Variants in TNFAIP8 observed in about 807,000 individuals in gnomAD.
TNFAIP8 encodes the protein TNF alpha induced protein 8, also known as tumor necrosis factor alpha-induced protein 8.
Under a neutral mutation model 13.3 loss-of-function variants are expected in TNFAIP8, and 7 were observed. That is an observed-to-expected ratio of 0.52 (90% CI 0.30 to 0.99). The LOEUF is 0.99. TNFAIP8 is among the 50% of genes least tolerant of loss of function. TNFAIP8 has a pLI of 0.07. For synonymous variants in TNFAIP8, 94 were observed against 87.6 expected, an observed-to-expected ratio of 1.07 and a Z score of -0.41; for missense variants, 258 against 236.9, an observed-to-expected ratio of 1.09 and a Z score of -0.58.
At chr5:119,285,689 C>T (rs1025135614) in intron 1 of TNFAIP8, among the ~76,000 whole-genome samples, 1 of 152,180 alleles carries the variant, frequency 6.6e-6, no homozygotes, top group Non-Finnish European at 1.5e-5. Context: ...GAAGCTGATA[C>T]AAGTGACCAC....
chr5:119,374,372 C>T (rs980613215), intron 1 of TNFAIP8, among the ~76,000 whole-genome samples: 6 of 152,166 alleles, frequency 3.9e-5, no homozygotes, highest in Admixed American at 2.6e-4. Context: ...ATTTGAGATG[C>T]TCAACCTGTA....
chr5:119,351,788 C>CT (rs1177061965), upstream of TNFAIP8, among the ~76,000 whole-genome samples: 3,302 of 138,092 alleles, frequency 0.024, 201 homozygotes, highest in African/African-American at 0.074. Context: ...TTTTCTTTTT[C>CT]TTTTTTTCTT....
chr5:119,396,976 A>G lies in TNFAIP8; in HGVS notation c.*3595A>G, dbSNP rs1335982593. ...ACCACTGCACTGCAGCCTGGGCAAC[A>G]AGAACGAAACCCCGTCTCAAAAAAA... On this transcript the variant is annotated 3_prime_UTR_variant, in exon 2 of 2. Coordinates refer to ENST00000504771, the MANE Select transcript of TNFAIP8 (RefSeq NM_014350.4). 6.8e-6 allele frequency: 1 copy of G among 146,244 alleles called. No homozygotes were observed. Among genetic ancestry groups the G allele is most frequent in the Non-Finnish European group, 1.5e-5 (1 of 66,886 alleles). The allele number at this position is 146,244 out of a possible 1,614,324, so 9.1% of individuals were successfully genotyped here.
chr5:119,324,777 AT>A (rs1419443849), intron 1 of TNFAIP8, among the ~76,000 whole-genome samples: 2 of 152,108 alleles, frequency 1.3e-5, no homozygotes, highest in Non-Finnish European at 2.9e-5. Context: ...CCAGAAAAAA[AT>A]ATATTGTGCA....
At chr5:119,331,234 C>CTT (rs59808410) in intron 1 of TNFAIP8, among the ~76,000 whole-genome samples, 1,428 of 141,350 alleles carry the variant, frequency 0.01, 21 homozygotes, top group African/African-American at 0.034. Flanking sequence ...GAGATATTAG[C>CTT]TTTTTTTTTT....
intron 1 of TNFAIP8, among the ~76,000 whole-genome samples, chr5:119,381,367 C>G (rs1418218652): frequency 1.3e-5 from 2 of 151,898 alleles, no homozygotes; most frequent in Non-Finnish European, 2.9e-5. Context: ...ATGTTGAAAC[C>G]CTGTCTCTAC....
chr5:119,341,256 A>G (rs963416899), intron 1 of TNFAIP8, among the ~76,000 whole-genome samples: 1 of 152,162 alleles, frequency 6.6e-6, no homozygotes, highest in African/African-American at 2.4e-5. Context: ...GTTAGTCTAT[A>G]TAAGTCAATG....
intron 1 of TNFAIP8, among the ~76,000 whole-genome samples, chr5:119,301,419 C>A (rs1749388894): frequency 6.6e-6 from 1 of 152,214 alleles, no homozygotes; most frequent in Admixed American, 6.5e-5. Context: ...AAAAAAAAAT[C>A]ATCTCCTATG....
At chr5:119,316,794 G>A (rs1182040519) in intron 1 of TNFAIP8, among the ~76,000 whole-genome samples, 1 of 152,118 alleles carries the variant, frequency 6.6e-6, no homozygotes, top group Non-Finnish European at 1.5e-5. Context: ...CTCTCAACTG[G>A]GGGCAGTTTT....
At chr5:119,308,869 A>AT (rs1478270575) in intron 1 of TNFAIP8, among the ~76,000 whole-genome samples, 1 of 151,970 alleles carries the variant, frequency 6.6e-6, no homozygotes, top group African/African-American at 2.4e-5. Context: ...AAAAAAAAAA[A>AT]AAAAAGACCA....
At chr5:119,285,250 A>C (rs1454640824) in intron 1 of TNFAIP8, among the ~76,000 whole-genome samples, 1 of 152,180 alleles carries the variant, frequency 6.6e-6, no homozygotes, top group East Asian at 1.9e-4. Flanking sequence ...AAGAAATGTG[A>C]GTTGTCAACT....
chr5:119,382,827 C>G (rs1752537783), intron 1 of TNFAIP8, among the ~76,000 whole-genome samples: 1 of 152,250 alleles, frequency 6.6e-6, no homozygotes, highest in Non-Finnish European at 1.5e-5. Flanking sequence ...CTGTCTTGTA[C>G]TCCCCTATTT....
chr5:119,281,275 A>AAC (rs1561980861), intron 1 of TNFAIP8, among the ~76,000 whole-genome samples: 3 of 32,460 alleles, frequency 9.2e-5, no homozygotes, highest in African/African-American at 1.7e-4. Context: ...AGAGCTGGGA[A>AAC]ACACACACAC....
chr5:119,281,382 A>T (rs1009024182), intron 1 of TNFAIP8, among the ~76,000 whole-genome samples: 1 of 152,012 alleles, frequency 6.6e-6, no homozygotes, highest in Non-Finnish European at 1.5e-5. Flanking sequence ...TCATAATGCT[A>T]TTTCCAATTA....
chr5:119,273,557 C>T (rs115825945), intron 1 of TNFAIP8, among the ~76,000 whole-genome samples: 1,781 of 152,224 alleles, frequency 0.012, 27 homozygotes, highest in African/African-American at 0.04. Flanking sequence ...TGCCTGAGAA[C>T]GAAGACGAGC....
At chr5:119,329,365 G>C (rs759575425) in intron 1 of TNFAIP8, among the ~76,000 whole-genome samples, 14 of 152,150 alleles carry the variant, frequency 9.2e-5, no homozygotes, top group Non-Finnish European at 1.6e-4. Context: ...ACCCATTTGG[G>C]CAGGCAACGT....
At chr5:119,361,389 G>A (rs1384678312) in intron 1 of TNFAIP8, among the ~76,000 whole-genome samples, 2 of 152,190 alleles carry the variant, frequency 1.3e-5, no homozygotes, top group African/African-American at 4.8e-5. Context: ...TGCTGCCCTG[G>A]GAATCTGTAA....
rs116512383 is a variant in TNFAIP8 at position 119,377,051 on chromosome 5, G to C, written c.32-15765G>C. Among the ~76,000 whole-genome samples the C allele has an allele frequency of 5.3e-3, 801 of 152,264 alleles. 5 individuals carry two copies. Among genetic ancestry groups the C allele is most frequent in the African/African-American group, 0.018 (755 of 41,538 alleles). ...TTATATATTAGGTGTCCTAGAATCT[G>C]TGCTTCCTGAGAGTAGGCACTTTGC... On this transcript the variant is annotated intron_variant, in intron 1 of 1. Coordinates refer to ENST00000504771, the MANE Select transcript of TNFAIP8 (RefSeq NM_014350.4).
intron 1 of TNFAIP8, among the ~76,000 whole-genome samples, chr5:119,378,620 A>G (rs898087673): frequency 6.6e-6 from 1 of 152,250 alleles, no homozygotes; most frequent in African/African-American, 2.4e-5. Context: ...TGCATGGAAG[A>G]TTCCAGAACA....
Sources: allele counts gnomAD v4.1 joint callset (sites outside exome capture counted in the v4.1 genomes callset), GRCh38; gene constraint gnomAD v4.1.1; transcripts MANE v1.5; gene names NCBI Gene and HGNC (gene_info 2026-07-23, HGNC 2026-07-21).